CREB1: variants seen among roughly 807,000 people sequenced by gnomAD.
The protein encoded by CREB1 is cyclic AMP-responsive element-binding protein 1.
In CREB1, 2 loss-of-function variants were observed where a neutral mutation model predicts 42.0. That is an observed-to-expected ratio of 0.05 (90% confidence interval 0.02 to 0.15). CREB1 has a LOEUF of 0.15. CREB1 is among the 10% of genes least tolerant of loss of function. The probability of loss-of-function intolerance (pLI) is 1.00; values close to 1 mark genes in which losing one functional copy is unlikely to be tolerated. For synonymous variants in CREB1, 123 were observed against 139.9 expected (o/e 0.88, Z 0.85); for missense variants, 199 against 388.9 (o/e 0.51, Z 4.11).
At chr2:207,547,924 C>T (rs1165795240) in intron 1 of CREB1, among the ~76,000 whole-genome samples, 1 of 151,778 alleles carries the variant, frequency 6.6e-6, no homozygotes, top group African/African-American at 2.4e-5. Flanking sequence ...TTCTATATAT[C>T]AGATGATTTT....
At chr2:207,536,336 C>T (rs1290327441) in intron 1 of CREB1, among the ~76,000 whole-genome samples, 1 of 152,002 alleles carries the variant, frequency 6.6e-6, no homozygotes, top group African/African-American at 2.4e-5. Flanking sequence ...AGGTGGATCA[C>T]CTGAGGTCAG....
intron 7 of CREB1, chr2:207,581,818 G>T: frequency 1.4e-6 from 1 of 699,710 alleles, no homozygotes; most frequent in Non-Finnish European, 2.6e-6. Flanking sequence ...GTACCATATC[G>T]CATTTAATTA....
chr2:207,581,105 G>A, intron 7 of CREB1: 1 of 211,520 alleles, frequency 4.7e-6, no homozygotes, highest in Non-Finnish European at 9.6e-6. Flanking sequence ...TTCCCTAAAG[G>A]CAGAAGTAAC....
At chr2:207,530,390 G>A (rs1267811724) in intron 1 of CREB1, among the ~76,000 whole-genome samples, 4 of 145,722 alleles carry the variant, frequency 2.7e-5, no homozygotes, top group Non-Finnish European at 6.1e-5. Context: ...CATGGCGGGG[G>A]GCGGCGGGCG....
intron 2 of CREB1, among the ~76,000 whole-genome samples, chr2:207,557,087 GA>G (rs1268674243): frequency 2.6e-4 from 39 of 152,030 alleles, no homozygotes; most frequent in Middle Eastern, 3.2e-3. Flanking sequence ...GCAGTGAACT[GA>G]GATTGCGCCA....
intron 7 of CREB1, among the ~76,000 whole-genome samples, chr2:207,580,187 C>T (rs972044384): frequency 6.6e-6 from 1 of 152,146 alleles, no homozygotes; most frequent in African/African-American, 2.4e-5. Context: ...CCAAAGGTCA[C>T]ACACTTTATG....
intron 3 of CREB1, among the ~76,000 whole-genome samples, chr2:207,565,510 G>A (rs2082107206): frequency 6.7e-6 from 1 of 149,278 alleles, no homozygotes; most frequent in South Asian, 2.1e-4. Flanking sequence ...TTTCATTAAG[G>A]GCCATAGATC....
rs751274446 is a variant in CREB1 at position 207,594,991 on chromosome 2, C to CTT, written c.840-1903_840-1902dup. Among the ~76,000 whole-genome samples the CTT allele has an allele frequency of 2.0e-3, 237 of 118,818 alleles. 2 individuals carry two copies. The highest frequency in any genetic ancestry group is 5.0e-3 in the African/African-American group (161 of 32,106). 77.9% of individuals were successfully genotyped at this position (118,818 alleles called of 152,430 possible). On this transcript the variant is annotated intron_variant, in intron 7 of 7. Transcript: ENST00000353267. ...CCTAGTGATTAGTGATGTTGAGCATCTTTTTTTTTTTTTTTTTTTTTCTGA... is the reference window on the plus strand; with the variant it reads ...CCTAGTGATTAGTGATGTTGAGCATCTTTTTTTTTTTTTTTTTTTTTTTCTGA...
intron 6 of CREB1, chr2:207,576,814 A>G (rs993843593): frequency 4.9e-6 from 5 of 1,024,886 alleles, no homozygotes; most frequent in Non-Finnish European, 5.9e-6. Context: ...TAGGTTCCTT[A>G]TTAGGAGAGC....
chr2:207,549,981 AAAG>A (rs1337464666), intron 1 of CREB1, among the ~76,000 whole-genome samples: 1 of 152,138 alleles, frequency 6.6e-6, no homozygotes, highest in East Asian at 1.9e-4. Flanking sequence ...AAAAAAAAAA[AAAG>A]AGAGAAAAGA....
At chr2:207,573,932 CCTT>C (rs1319534048) in intron 5 of CREB1, among the ~76,000 whole-genome samples, 2 of 152,156 alleles carry the variant, frequency 1.3e-5, no homozygotes, top group Non-Finnish European at 2.9e-5. Context: ...TTTCTGTTAA[CCTT>C]CTGATTCTTT....
chr2:207,574,278 TACTC>T (rs748460793), intron 5 of CREB1, among the ~76,000 whole-genome samples: 4 of 152,238 alleles, frequency 2.6e-5, no homozygotes, highest in African/African-American at 7.2e-5. Context: ...ACTTTTTTCT[TACTC>T]AGTTAAAATC....
In CREB1 at chr2:207,581,126, G is replaced by A. The variant is rs1397484501; in HGVS notation, c.839+3471G>A. The stretch of plus-strand genomic sequence containing the variant: ...AAAGGCAGAAGTAACAAAGGAAAAG[G>A]TTAAATGGATTTGACCATATAAAAC... On this transcript the variant is annotated intron_variant, in intron 7 of 7. Coordinates refer to ENST00000353267, the MANE Select transcript of CREB1 (RefSeq NM_004379.5). 10 of 212,452 alleles carry A rather than the reference G, an allele frequency of 4.7e-5. No homozygotes were observed. The East Asian group carries it at 7.1e-4, about 15-fold the overall frequency. The allele number at this position is 212,452 out of a possible 1,614,324, so 13.2% of individuals were successfully genotyped here.
rs1179752827 is a variant in CREB1 at position 207,599,015 on chromosome 2, AG to A, written c.*1958del. 5.4e-6 allele frequency: 1 copy of A among 185,774 alleles called. No individual in the cohort carries two copies. Among genetic ancestry groups the A allele is most frequent in the Non-Finnish European group, 1.1e-5 (1 of 87,994 alleles). The allele number at this position is 185,774 out of a possible 1,614,324, so 11.5% of individuals were successfully genotyped here. A position where few individuals can be genotyped will look rare whatever the true frequency, so the allele number is the denominator to read the frequency against. ...TAATTGCTGGATCCATTTTAAAATA[AG>A]ATTTTAATTAACATTTGTAAATGGT... On this transcript the variant is annotated 3_prime_UTR_variant, in exon 8 of 8. Coordinates refer to ENST00000353267, the MANE Select transcript of CREB1 (RefSeq NM_004379.5).
intron 1 of CREB1, among the ~76,000 whole-genome samples, chr2:207,533,746 C>T (rs892992837): frequency 2.0e-5 from 3 of 151,842 alleles, no homozygotes; most frequent in Non-Finnish European, 4.4e-5. Context: ...ATCTGTACTG[C>T]AGTATCACTT....
At position 207,600,240 on chromosome 2, in the gene CREB1, T is replaced by TAC. The variant is rs576364226; in HGVS notation, c.*3183_*3184insCA. 2.6e-3 allele frequency: 109 copies of TAC among 41,584 alleles called. 3 individuals carry two copies. In the South Asian group the frequency reaches 0.053, roughly 20 times the overall value. The allele number at this position is 41,584 out of a possible 1,614,324, so 2.6% of individuals were successfully genotyped here. On this transcript the variant is annotated 3_prime_UTR_variant, in exon 8 of 8. Transcript: ENST00000353267. ...GGCATTTGTATAATATATGTGTACA[T>TAC]ATATATATATATATATATATATACA...
intron 4 of CREB1, chr2:207,567,771 TTTTTCTG>T: frequency 8.6e-6 from 3 of 347,988 alleles, no homozygotes; most frequent in African/African-American, 4.2e-5. Context: ...TAATTTTTTT[TTTTTCTG>T]TTTCTGTTTC....
At chr2:207,561,194 T>C (rs768052771) in intron 3 of CREB1, 8 of 1,551,590 alleles carry the variant, frequency 5.2e-6, no homozygotes, top group East Asian at 2.2e-5. Flanking sequence ...GAGAGAACTA[T>C]TATTAGAAAG....
At chr2:207,532,191 CT>C (rs1297571272) in intron 1 of CREB1, among the ~76,000 whole-genome samples, 2 of 151,780 alleles carry the variant, frequency 1.3e-5, no homozygotes, top group East Asian at 3.9e-4. Flanking sequence ...CCCATCTCTA[CT>C]AAAAATACAA....
Sources: gnomAD v4.1 joint callset for allele counts (sites outside exome capture counted in the v4.1 genomes callset) on GRCh38, gnomAD v4.1.1 for gene constraint, MANE v1.5 for transcripts, NCBI Gene and HGNC (gene_info 2026-07-23, HGNC 2026-07-21) for gene names.